Variants in FAT3 observed in about 807,000 individuals in gnomAD.
FAT3 encodes protocadherin Fat 3.
Under a neutral mutation model 310.2 loss-of-function variants are expected in FAT3, and 95 were observed. The observed-to-expected ratio is 0.31, with a 90% CI of 0.26 to 0.36. The LOEUF is 0.36. Ranked by LOEUF, FAT3 falls within the 10% of genes least tolerant of loss-of-function variation. The pLI is 1.00. For missense variants in FAT3, 5,408 were observed against 5,715.6 expected, an observed-to-expected ratio of 0.95 and a Z score of 1.74; for synonymous variants, 2,314 against 2,192.9, an observed-to-expected ratio of 1.06 and a Z score of -1.54.
chr11:92,230,887 G>A (rs192451169), intron 1 of FAT3, among the ~76,000 whole-genome samples: 17 of 152,292 alleles, frequency 1.1e-4, no homozygotes, highest in African/African-American at 4.1e-4. Context: ...AGTTATTAAA[G>A]TGAATATAAT....
At chr11:92,853,980 A>G (rs572428958) in intron 19 of FAT3, among the ~76,000 whole-genome samples, 1 of 152,214 alleles carries the variant, frequency 6.6e-6, no homozygotes, top group African/African-American at 2.4e-5. Context: ...CCAGGAGCCC[A>G]TCTGCCTCCT....
intron 6 of FAT3, among the ~76,000 whole-genome samples, chr11:92,773,371 T>A (rs1477065980): frequency 6.6e-6 from 1 of 152,216 alleles, no homozygotes; most frequent in Admixed American, 6.5e-5. Context: ...CTTCTACTTC[T>A]TTCCCAATTT....
At chr11:92,304,801 G>A (rs1408976166) in intron 1 of FAT3, among the ~76,000 whole-genome samples, 1 of 152,070 alleles carries the variant, frequency 6.6e-6, no homozygotes, top group Non-Finnish European at 1.5e-5. Context: ...TGGGGAGCTG[G>A]TGGTAAGCAG....
chr11:92,252,411 T>C (rs555337068), intron 1 of FAT3, among the ~76,000 whole-genome samples: 2 of 152,186 alleles, frequency 1.3e-5, no homozygotes, highest in Admixed American at 6.5e-5. Flanking sequence ...CAAACCATAC[T>C]GGTTAGTGTG....
intron 1 of FAT3, among the ~76,000 whole-genome samples, chr11:92,274,658 TA>T (rs1381620258): frequency 6.6e-6 from 1 of 152,116 alleles, no homozygotes; most frequent in Non-Finnish European, 1.5e-5. Flanking sequence ...TACATTTAGT[TA>T]AAAGCTTTAT....
chr11:92,687,549 T>C lies in FAT3; in HGVS notation c.3608-9835T>C, dbSNP rs981954459. Among the ~76,000 whole-genome samples the C allele has an allele frequency of 2.0e-5, 3 of 152,192 alleles. No individual in the cohort carries two copies. The South Asian group carries it at 6.2e-4, about 31-fold the overall frequency. On this transcript the variant is annotated intron_variant, in intron 3 of 27. Transcript: ENST00000525166. ...TAGGGACACTCAAAGTTGTCTAGGGTGTGTGTTAGATCTTGCCTTGTACTG... is the reference window on the plus strand; with the variant it reads ...TAGGGACACTCAAAGTTGTCTAGGGCGTGTGTTAGATCTTGCCTTGTACTG...
rs768029563 is a variant in FAT3 at position 92,352,878 on chromosome 11, A to G, written c.766A>G (p.Ile256Val). Reference protein sequence around the residue: ...VSSTAKLYVHIERINEHAPTI... With the variant: ...VSSTAKLYVHVERINEHAPTI... Reference sequence around the variant, plus strand: ...CAGTACTGCAAAGCTTTATGTTCACATTGAGCGCATAAATGAACATGCCCC... The same window carrying G: ...CAGTACTGCAAAGCTTTATGTTCACGTTGAGCGCATAAATGAACATGCCCC... Residue 256 changes from isoleucine to valine, a missense_variant, in exon 2 of 28, where the codon ATT becomes GTT. Coordinates refer to ENST00000525166, the MANE Select transcript of FAT3 (RefSeq NM_001367949.2). 1.9e-6 allele frequency: 3 copies of G among 1,613,958 alleles called. No homozygotes were observed. The highest frequency in any genetic ancestry group is 2.2e-5 in the South Asian group (2 of 91,082).
intron 3 of FAT3, among the ~76,000 whole-genome samples, chr11:92,525,780 G>A (rs1023959118): frequency 6.6e-6 from 1 of 152,144 alleles, no homozygotes; most frequent in Admixed American, 6.6e-5. Context: ...GGTTCAAAAA[G>A]TTAGGCTTAG....
intron 2 of FAT3, among the ~76,000 whole-genome samples, chr11:92,464,663 A>G (rs1951718425): frequency 6.6e-6 from 1 of 152,210 alleles, no homozygotes. Flanking sequence ...AAGTGGGTGG[A>G]TTTGATAACT....
intron 1 of FAT3, among the ~76,000 whole-genome samples, chr11:92,278,593 T>A (rs953492620): frequency 1.3e-5 from 2 of 152,148 alleles, no homozygotes; most frequent in Non-Finnish European, 2.9e-5. Flanking sequence ...GTATATATTT[T>A]TATGAAGTTT....
chr11:92,668,731 A>C (rs991687978), intron 3 of FAT3, among the ~76,000 whole-genome samples: 2 of 152,214 alleles, frequency 1.3e-5, no homozygotes, highest in African/African-American at 4.8e-5. Flanking sequence ...TTACTTAGCA[A>C]ATGGATCTGT....
At chr11:92,260,173 T>C (rs1257697806) in intron 1 of FAT3, among the ~76,000 whole-genome samples, 7 of 152,150 alleles carry the variant, frequency 4.6e-5, no homozygotes, top group Admixed American at 4.6e-4. Context: ...TACCCCTTTC[T>C]GTTCGTCAGT....
In FAT3 at chr11:92,839,327, A is replaced by C. The variant is rs138347500; in HGVS notation, c.10369-1235A>C. Among the ~76,000 whole-genome samples, 286 of 152,238 alleles carry C rather than the reference A, an allele frequency of 1.9e-3. 1 individual carries two copies. Among genetic ancestry groups the C allele is most frequent in the African/African-American group, 6.5e-3 (269 of 41,540 alleles). On this transcript the variant is annotated intron_variant, in intron 17 of 27. Coordinates refer to ENST00000525166, the MANE Select transcript of FAT3 (RefSeq NM_001367949.2). ...CACATTGTCTCTCTCCCTCTCTTCT[A>C]TGCAGGAAGCGGCCTTTAGAGAGTA... is the stretch of plus-strand genomic sequence containing the variant.
chr11:92,582,218 T>A (rs550412493), intron 3 of FAT3, among the ~76,000 whole-genome samples: 1 of 151,984 alleles, frequency 6.6e-6, no homozygotes, highest in East Asian at 2.0e-4. Flanking sequence ...CAACCTGTTT[T>A]ATCAGCAAGG....
At chr11:92,603,808 A>G (rs541219338) in intron 3 of FAT3, among the ~76,000 whole-genome samples, 8 of 152,304 alleles carry the variant, frequency 5.3e-5, no homozygotes, top group Middle Eastern at 3.4e-3. Flanking sequence ...AAGAACAACA[A>G]CTTGTGCTTT....
At chr11:92,781,524 A>G (rs139220510) in intron 7 of FAT3, among the ~76,000 whole-genome samples, 157 of 152,278 alleles carry the variant, frequency 1.0e-3, no homozygotes, top group African/African-American at 3.1e-3. Context: ...TCTTCTCAAA[A>G]TCATATACGA....
intron 13 of FAT3, 76 bp downstream of exon 13, chr11:92,810,152 T>C: frequency 7.5e-7 from 1 of 1,333,746 alleles, no homozygotes; most frequent in Non-Finnish European, 1.0e-6. Context: ...TTTAGTTTTA[T>C]AAGAACCTTA....
At chr11:92,479,554 T>G (rs899777988) in intron 2 of FAT3, among the ~76,000 whole-genome samples, 6 of 152,204 alleles carry the variant, frequency 3.9e-5, no homozygotes, top group African/African-American at 1.4e-4. Flanking sequence ...TTGAATGGCC[T>G]AAATACAAGC....
chr11:92,873,872 C>G (rs764693169), intron 22 of FAT3, among the ~76,000 whole-genome samples: 5 of 152,176 alleles, frequency 3.3e-5, no homozygotes, highest in Non-Finnish European at 7.3e-5. Flanking sequence ...CTAGTAGGAC[C>G]ATTTCCTTTC....
Sources: gnomAD v4.1 joint callset for allele counts (sites outside exome capture counted in the v4.1 genomes callset) on GRCh38, gnomAD v4.1.1 for gene constraint, MANE v1.5 for transcripts, NCBI Gene and HGNC (gene_info 2026-07-23, HGNC 2026-07-21) for gene names.